SCAMP1: variants seen among roughly 807,000 people sequenced by gnomAD.
SCAMP1 encodes secretory carrier-associated membrane protein 1.
In SCAMP1, 15 loss-of-function variants were observed where a neutral mutation model predicts 41.8. The ratio of observed to expected loss-of-function variants is 0.36; its 90% CI spans 0.24 to 0.55. SCAMP1 has a LOEUF of 0.55. Among genes scored for constraint, SCAMP1 ranks in the 20% least tolerant of loss-of-function variants. The pLI is 0.86. For synonymous variants in SCAMP1, 135 were observed against 136.8 expected (o/e 0.99, Z 0.09); for missense variants, 341 against 412.6 (o/e 0.83, Z 1.50).
At chr5:78,398,588 G>T (rs1751718582) in intron 2 of SCAMP1, among the ~76,000 whole-genome samples, 1 of 113,298 alleles carries the variant, frequency 8.8e-6, no homozygotes, top group African/African-American at 3.4e-5. Flanking sequence ...GTCTTGCTCT[G>T]TCGCCCAGGC....
At chr5:78,386,066 C>A (rs1262092327) in intron 1 of SCAMP1, among the ~76,000 whole-genome samples, 1 of 152,114 alleles carries the variant, frequency 6.6e-6, no homozygotes, top group Non-Finnish European at 1.5e-5. Flanking sequence ...AAGTCCCCCA[C>A]TATTATTGTG....
chr5:78,461,851 A>G (rs368502698), intron 8 of SCAMP1, among the ~76,000 whole-genome samples: 64 of 152,282 alleles, frequency 4.2e-4, no homozygotes, highest in African/African-American at 1.5e-3. Context: ...GGTGTGAGCC[A>G]CTGTGCACTA....
At chr5:78,433,935 A>AT (rs1035742686) in intron 6 of SCAMP1, among the ~76,000 whole-genome samples, 11 of 151,876 alleles carry the variant, frequency 7.2e-5, no homozygotes, top group Middle Eastern at 3.4e-3. Context: ...GGGTTAGAGG[A>AT]TTTTTTTTCC....
At chr5:78,366,541 C>G (rs994462468) in intron 1 of SCAMP1, among the ~76,000 whole-genome samples, 1 of 152,166 alleles carries the variant, frequency 6.6e-6, no homozygotes, top group Admixed American at 6.5e-5. Context: ...CTGATACCAT[C>G]ACGTTGGTGA....
chr5:78,396,414 G>C (rs1751653073), intron 2 of SCAMP1, among the ~76,000 whole-genome samples: 1 of 152,124 alleles, frequency 6.6e-6, no homozygotes, highest in African/African-American at 2.4e-5. Flanking sequence ...AACTGCATTA[G>C]AAAAATAAAG....
At chr5:78,388,198 T>A (rs982434918) in intron 1 of SCAMP1, among the ~76,000 whole-genome samples, 3 of 152,198 alleles carry the variant, frequency 2.0e-5, no homozygotes, top group Non-Finnish European at 4.4e-5. Context: ...TAGTATTGCC[T>A]CCTATCTGCC....
At chr5:78,447,858 C>CCTCCCCTCCTCCA (rs1753093310) in intron 6 of SCAMP1, among the ~76,000 whole-genome samples, 1 of 107,804 alleles carries the variant, frequency 9.3e-6, no homozygotes, top group Non-Finnish European at 1.9e-5. Context: ...TCCCTCCTCC[C>CCTCCCCTCCTCCA]CTGCCCCCCT....
At chr5:78,395,490 G>T (rs1348564975) in intron 2 of SCAMP1, among the ~76,000 whole-genome samples, 1 of 152,202 alleles carries the variant, frequency 6.6e-6, no homozygotes, top group Non-Finnish European at 1.5e-5. Context: ...CTTAGCTGTG[G>T]CTCAGGAGTT....
intron 7 of SCAMP1, among the ~76,000 whole-genome samples, chr5:78,458,428 C>G (rs891320877): frequency 1.1e-4 from 17 of 152,216 alleles, no homozygotes; most frequent in South Asian, 2.1e-4. Flanking sequence ...TTTATGTCCT[C>G]TTAGTAAAAT....
chr5:78,373,878 C>A (rs1751004089), intron 1 of SCAMP1, among the ~76,000 whole-genome samples: 1 of 152,088 alleles, frequency 6.6e-6, no homozygotes, highest in African/African-American at 2.4e-5. Flanking sequence ...AAAACATATT[C>A]TCAGTCTTTA....
chr5:78,427,454 C>T (rs966462303), intron 6 of SCAMP1, among the ~76,000 whole-genome samples: 3 of 152,002 alleles, frequency 2.0e-5, no homozygotes, highest in Admixed American at 6.6e-5. Flanking sequence ...TTTGGGGGAT[C>T]AAAAATCCAA....
intron 1 of SCAMP1, among the ~76,000 whole-genome samples, chr5:78,370,411 T>C (rs1023883811): frequency 6.6e-6 from 1 of 152,222 alleles, no homozygotes; most frequent in African/African-American, 2.4e-5. Flanking sequence ...CAGTCTGTAA[T>C]GTCCTGCAGC....
At chr5:78,370,281 G>C (rs1163981852) in intron 1 of SCAMP1, among the ~76,000 whole-genome samples, 1 of 152,212 alleles carries the variant, frequency 6.6e-6, no homozygotes, top group Non-Finnish European at 1.5e-5. Context: ...AATATTGTAA[G>C]ATGTTTTTAA....
At chr5:78,469,277 T>C (rs759160487) in intron 8 of SCAMP1, among the ~76,000 whole-genome samples, 2 of 152,176 alleles carry the variant, frequency 1.3e-5, no homozygotes, top group Non-Finnish European at 2.9e-5. Context: ...CTCAGAACCA[T>C]TCAGCACTGT....
chr5:78,381,467 T>G (rs1232050151), intron 1 of SCAMP1, among the ~76,000 whole-genome samples: 23 of 152,220 alleles, frequency 1.5e-4, no homozygotes, highest in Non-Finnish European at 3.2e-4. Context: ...AAGTGCTTGT[T>G]GATCCTAAAC....
At chr5:78,447,659 G>GA (rs986934396) in intron 6 of SCAMP1, among the ~76,000 whole-genome samples, 34 of 148,972 alleles carry the variant, frequency 2.3e-4, no homozygotes, top group African/African-American at 7.9e-4. Flanking sequence ...AAAAAAACAG[G>GA]AAAAAAAAAA....
intron 1 of SCAMP1, among the ~76,000 whole-genome samples, chr5:78,381,404 A>G (rs1317207204): frequency 6.6e-6 from 1 of 152,226 alleles, no homozygotes; most frequent in African/African-American, 2.4e-5. Context: ...GGTTTTGTAG[A>G]TGATGGTGAG....
rs114690541 is a variant in SCAMP1, at chr5:78,433,605, G to C, written c.632+11645G>C. Among the ~76,000 whole-genome samples, 784 of 152,276 alleles carry C rather than the reference G, an allele frequency of 5.1e-3. 9 individuals carry two copies. Among genetic ancestry groups the C allele is most frequent in the African/African-American group, 0.018 (753 of 41,548 alleles). ...TTACTTTGGTGTTACCTTATGTTTAGAGTGAGTCCTGCTTTTCCAGAAGCT... is the reference window on the plus strand; with the variant it reads ...TTACTTTGGTGTTACCTTATGTTTACAGTGAGTCCTGCTTTTCCAGAAGCT... On this transcript the variant is annotated intron_variant, in intron 6 of 8. Transcript: ENST00000621999.
At chr5:78,416,674 A>G (rs1333767300) in intron 4 of SCAMP1, 25 bp downstream of exon 4, 1 of 1,515,464 alleles carries the variant, frequency 6.6e-7, no homozygotes, top group African/African-American at 1.4e-5. Context: ...AATTTGAAAT[A>G]AAAATAACTT....
Sources: gnomAD v4.1 joint callset for allele counts (sites outside exome capture counted in the v4.1 genomes callset) on GRCh38, gnomAD v4.1.1 for gene constraint, MANE v1.5 for transcripts, NCBI Gene and HGNC (gene_info 2026-07-23, HGNC 2026-07-21) for gene names.